The following NUP210L variants were observed in gnomAD, a reference collection of about 807,000 sequenced individuals.
NUP210L encodes nucleoporin 210 like, also known as nuclear pore membrane glycoprotein 210-like.
Under a neutral mutation model 208.5 loss-of-function variants are expected in NUP210L, and 74 were observed. The observed-to-expected ratio is 0.35, with a 90% CI of 0.29 to 0.43. The LOEUF (loss-of-function observed/expected upper bound fraction) is 0.43. Among genes scored for constraint, NUP210L ranks in the 20% least tolerant of loss-of-function variants. The probability of loss-of-function intolerance (pLI) is 1.00; values close to 1 mark genes in which losing one functional copy is unlikely to be tolerated. For missense variants in NUP210L, 1,843 were observed against 2,289.4 expected, an observed-to-expected ratio of 0.81 and a Z score of 3.98; for synonymous variants, 780 against 816.9, an observed-to-expected ratio of 0.95 and a Z score of 0.77.
chr1:154,026,508 C>T (rs1261523705), intron 29 of NUP210L, among the ~76,000 whole-genome samples: 1 of 151,932 alleles, frequency 6.6e-6, no homozygotes, highest in African/African-American at 2.4e-5. Context: ...GCAACCACCC[C>T]TGGCTAATTT....
At chr1:154,055,251 C>T (rs1231177402) in intron 23 of NUP210L, among the ~76,000 whole-genome samples, 1 of 149,538 alleles carries the variant, frequency 6.7e-6, no homozygotes, top group Non-Finnish European at 1.5e-5. Context: ...GTCTCTCTCT[C>T]TCTCTCTTTT....
chr1:154,062,118 G>A (rs1455932667), intron 17 of NUP210L, among the ~76,000 whole-genome samples: 1 of 152,040 alleles, frequency 6.6e-6, no homozygotes, highest in Non-Finnish European at 1.5e-5. Context: ...GAGCCACCAC[G>A]CCCGGCCTGA....
Position 154,022,093 on chromosome 1 carries a change from A to G in NUP210L, c.4516+33T>C, listed in dbSNP as rs1451326314. ...TGCTTTTTAATCCCCACAACTATCA[A>G]TTGTAAGTTTGAGAAAGGGAATGTA... On this transcript the variant is annotated intron_variant, in intron 32 of 39. Transcript: ENST00000368559. 3.3e-6 allele frequency: 5 copies of G among 1,527,318 alleles called. No homozygotes were observed. The Middle Eastern group carries it at 5.1e-4, about 157-fold the overall frequency. 94.6% of individuals were successfully genotyped at this position (1,527,318 alleles called of 1,614,324 possible).
intron 33 of NUP210L, among the ~76,000 whole-genome samples, chr1:154,013,264 G>T (rs1481787093): frequency 1.3e-5 from 2 of 151,822 alleles, no homozygotes; most frequent in African/African-American, 4.8e-5. Flanking sequence ...TCTTCCCTTT[G>T]TATGACTCCC....
At chr1:154,114,709 C>A (rs1044437022) in intron 12 of NUP210L, among the ~76,000 whole-genome samples, 1 of 151,900 alleles carries the variant, frequency 6.6e-6, no homozygotes, top group African/African-American at 2.4e-5. Flanking sequence ...CCTCAAGCGA[C>A]CCTCCTGCCT....
intron 33 of NUP210L, among the ~76,000 whole-genome samples, chr1:154,014,692 ATTGAGTAACT>A (rs1157941253): frequency 6.6e-6 from 1 of 152,222 alleles, no homozygotes; most frequent in Admixed American, 6.6e-5. Flanking sequence ...GTGCACACAT[ATTGAGTAACT>A]TACTCATCTA....
At chr1:154,089,885 A>G (rs1292884093) in intron 15 of NUP210L, among the ~76,000 whole-genome samples, 1 of 152,026 alleles carries the variant, frequency 6.6e-6, no homozygotes, top group Admixed American at 6.6e-5. Context: ...CTAGTTCAAG[A>G]CCATCACATA....
chr1:154,085,020 G>A (rs1170193401), intron 16 of NUP210L, among the ~76,000 whole-genome samples: 1 of 142,526 alleles, frequency 7.0e-6, no homozygotes, highest in East Asian at 2.2e-4. Context: ...AAAGTGCTGG[G>A]ATTACAGGCG....
chr1:154,071,847 A>T (rs1255142052), intron 16 of NUP210L, among the ~76,000 whole-genome samples: 1 of 151,926 alleles, frequency 6.6e-6, no homozygotes, highest in Non-Finnish European at 1.5e-5. Flanking sequence ...CATGTTAGCC[A>T]GGATGGTCTC....
rs746646459 is a variant in NUP210L at position 154,087,086 on chromosome 1, G to A, written c.2361+2335C>T. 6.3e-4 allele frequency among the ~76,000 whole-genome samples: 96 copies of A among 151,986 alleles called. 3 individuals carry two copies. Among genetic ancestry groups the A allele is most frequent in the Non-Finnish European group, 4.9e-4 (33 of 67,978 alleles). ...TGTAATCCCAGCACTTTGGGAGGCC[G>A]AGGCGGGTGGATCAGCTGAGGTCAG... On this transcript the variant is annotated intron_variant, in intron 16 of 39. Coordinates refer to ENST00000368559, the Ensembl canonical transcript of NUP210L.
At chr1:153,993,679 T>C (rs898811741) in intron 38 of NUP210L, among the ~76,000 whole-genome samples, 1 of 151,334 alleles carries the variant, frequency 6.6e-6, no homozygotes, top group African/African-American at 2.4e-5. Flanking sequence ...TTGGGAGGCC[T>C]AGGTGGGCAG....
intron 37 of NUP210L, among the ~76,000 whole-genome samples, chr1:153,995,461 C>T (rs1467191585): frequency 1.3e-5 from 2 of 152,192 alleles, no homozygotes; most frequent in African/African-American, 4.8e-5. Flanking sequence ...ATACTTGGCT[C>T]AACCGCGTCT....
exon 7 of NUP210L, chr1:154,135,906 G>A: frequency 6.2e-7 from 1 of 1,607,064 alleles, no homozygotes; most frequent in Non-Finnish European, 8.5e-7. Context: ...CTCAGAATGA[G>A]ACCCGTTAAG....
At chr1:154,032,965 AAAGAAAAGAAAAG>A (rs2147947093) in intron 27 of NUP210L, among the ~76,000 whole-genome samples, 1 of 144,942 alleles carries the variant, frequency 6.9e-6, no homozygotes, top group South Asian at 2.1e-4. Flanking sequence ...AAAGAAAAGA[AAAGAAAAGAAAAG>A]AAAAGAAAAG....
intron 27 of NUP210L, among the ~76,000 whole-genome samples, chr1:154,040,753 A>C (rs1652829853): frequency 6.6e-6 from 1 of 151,718 alleles, no homozygotes; most frequent in Non-Finnish European, 1.5e-5. Flanking sequence ...TTCCCGGCTA[A>C]ATTTTTTTTT....
At chr1:154,147,164 CA>C (rs1191600605) in intron 2 of NUP210L, among the ~76,000 whole-genome samples, 1 of 152,080 alleles carries the variant, frequency 6.6e-6, no homozygotes, top group African/African-American at 2.4e-5. Context: ...CCACCTTAAC[CA>C]AGTGATCAAG....
intron 30 of NUP210L, 95 bp downstream of exon 30, chr1:154,025,444 TAAG>T: frequency 1.3e-6 from 1 of 761,584 alleles, no homozygotes; most frequent in African/African-American, 1.8e-5. Flanking sequence ...AATGGCATGA[TAAG>T]AAAATTTCTA....
At position 154,140,666 on chromosome 1, in the gene NUP210L, C is replaced by CAAAAAAAAAAAAAAAA. The variant is rs1434093544; in HGVS notation, c.567-715_567-714insTTTTTTTTTTTTTTTT. Among the ~76,000 whole-genome samples the CAAAAAAAAAAAAAAAA allele has an allele frequency of 3.2e-4, 33 of 102,456 alleles. 2 individuals carry two copies. The highest frequency in any genetic ancestry group is 6.9e-4 in the Admixed American group (7 of 10,158). 67.2% of individuals were successfully genotyped at this position (102,456 alleles called of 152,430 possible). On this transcript the variant is annotated intron_variant, in intron 4 of 39. Transcript: ENST00000368559. ...TGAGTGACAGAGCAAGACTCCATCT[C>CAAAAAAAAAAAAAAAA]AAAAAAAAAAACAGAAAAAGAAAAG...
chr1:154,101,399 C>T (rs961133666), intron 13 of NUP210L, among the ~76,000 whole-genome samples: 1 of 152,084 alleles, frequency 6.6e-6, no homozygotes, highest in African/African-American at 2.4e-5. Flanking sequence ...ATTGCTTGAA[C>T]CCCGGAGGCG....
Sources: gnomAD v4.1 joint callset for allele counts (sites outside exome capture counted in the v4.1 genomes callset) on GRCh38, gnomAD v4.1.1 for gene constraint, MANE v1.5 for transcripts, NCBI Gene and HGNC (gene_info 2026-07-23, HGNC 2026-07-21) for gene names.